The following STRIT1 variants were observed in gnomAD, a reference collection of about 807,000 sequenced individuals.
The protein encoded by STRIT1 is small transmembrane regulator of ion transport 1, also known as sarcoplasmic/endoplasmic reticulum calcium ATPase regulator DWORF.
Position 155,290,684 on chromosome 3 carries a change from A to G in STRIT1, c.*167T>C. On this transcript the variant is annotated 3_prime_UTR_variant, in exon 3 of 3. Transcript: ENST00000489090. ...TAGAGAAATTCACTCATAATTTCTT[A>G]TTGTCCTGAAGAAATTCTTATGCAT... 1 of 283,754 alleles carries G rather than the reference A, an allele frequency of 3.5e-6. No individual in the cohort carries two copies. Among genetic ancestry groups the G allele is most frequent in the Non-Finnish European group, 6.5e-6 (1 of 154,398 alleles). 17.6% of individuals were successfully genotyped at this position (283,754 alleles called of 1,614,324 possible).
chr3:155,293,043 A>T (rs577078136), intron 1 of STRIT1, among the ~76,000 whole-genome samples: 1 of 152,192 alleles, frequency 6.6e-6, no homozygotes, highest in African/African-American at 2.4e-5. Context: ...CCTGTTTAAT[A>T]TTTAAAAACC....
chr3:155,293,054 A>G (rs1490294065), intron 1 of STRIT1, among the ~76,000 whole-genome samples: 4 of 152,180 alleles, frequency 2.6e-5, no homozygotes, highest in Non-Finnish European at 5.9e-5. Flanking sequence ...TTTAAAAACC[A>G]TTTCTTAGAT....
At chr3:155,293,034 C>T (rs1715674054) in intron 1 of STRIT1, among the ~76,000 whole-genome samples, 2 of 152,052 alleles carry the variant, frequency 1.3e-5, no homozygotes, top group Admixed American at 1.3e-4. Flanking sequence ...GCAAAAATTC[C>T]TGTTTAATAT....
At chr3:155,292,696 G>A (rs772511083) in intron 1 of STRIT1, among the ~76,000 whole-genome samples, 114 of 152,190 alleles carry the variant, frequency 7.5e-4, no homozygotes, top group African/African-American at 2.4e-3. Flanking sequence ...GGAATTGTTT[G>A]GAAGTAGAAA....
intron 1 of STRIT1, among the ~76,000 whole-genome samples, chr3:155,291,467 A>G (rs1715636234): frequency 6.6e-6 from 1 of 152,202 alleles, no homozygotes; most frequent in Non-Finnish European, 1.5e-5. Context: ...TATATAAAAA[A>G]CAATCTAATA....
At chr3:155,291,533 G>C (rs962551714) in intron 1 of STRIT1, among the ~76,000 whole-genome samples, 1 of 152,122 alleles carries the variant, frequency 6.6e-6, no homozygotes, top group Non-Finnish European at 1.5e-5. Context: ...GAAAGGTATT[G>C]AGAACTGTCC....
chr3:155,290,906 C>G (rs909798416), intron 2 of STRIT1, 34 bp downstream of exon 2: 2 of 398,250 alleles, frequency 5.0e-6, no homozygotes, highest in Non-Finnish European at 4.4e-6. Context: ...GTAATTTAGA[C>G]TATAAATAAA....
In STRIT1 at chr3:155,290,393, CTTTTTTTTTTTTTTTTTT is replaced by C. The variant is rs5853720; in HGVS notation, c.*440_*457del. 1 of 59,590 alleles carries C rather than the reference CTTTTTTTTTTTTTTTTTT, an allele frequency of 1.7e-5. No individual in the cohort carries two copies. Among genetic ancestry groups the C allele is most frequent in the African/African-American group, 6.6e-5 (1 of 15,074 alleles). The allele number at this position is 59,590 out of a possible 1,614,324, so 3.7% of individuals were successfully genotyped here. A position where few individuals can be genotyped will look rare whatever the true frequency, so the allele number is the denominator to read the frequency against. On this transcript the variant is annotated 3_prime_UTR_variant, in exon 3 of 3. Coordinates refer to ENST00000489090, the MANE Select transcript of STRIT1 (RefSeq NM_001352129.2). The stretch of plus-strand genomic sequence containing the variant: ...TTTTTATCTCTAGCCCATTTTCTTT[CTTTTTTTTTTTTTTTTTT>C]TTTTTTTTTGTAGAGATGGGGTCTC...
Position 155,290,329 on chromosome 3 carries a change from T to C in STRIT1, c.*522A>G, listed in dbSNP as rs528053378. Reference sequence around the variant, plus strand: ...CTCTTTTTGTGAACAAGAGATTAAGTAAGTGTACTTTTACATTATATGTTC... The same window carrying C: ...CTCTTTTTGTGAACAAGAGATTAAGCAAGTGTACTTTTACATTATATGTTC... On this transcript the variant is annotated 3_prime_UTR_variant, in exon 3 of 3. Transcript: ENST00000489090. 6.6e-6 allele frequency: 1 copy of C among 151,682 alleles called. No homozygotes were observed. Among genetic ancestry groups the C allele is most frequent in the Non-Finnish European group, 1.5e-5 (1 of 67,946 alleles). The allele number at this position is 151,682 out of a possible 1,614,324, so 9.4% of individuals were successfully genotyped here.
At chr3:155,293,440 T>C (rs1715684642) in intron 1 of STRIT1, among the ~76,000 whole-genome samples, 180 bp downstream of exon 1, 1 of 152,160 alleles carries the variant, frequency 6.6e-6, no homozygotes, top group Non-Finnish European at 1.5e-5. Flanking sequence ...ATAGACCTGA[T>C]CCATAGATTA....
At chr3:155,292,101 G>A (rs770169182) in intron 1 of STRIT1, among the ~76,000 whole-genome samples, 3 of 152,120 alleles carry the variant, frequency 2.0e-5, no homozygotes, top group Non-Finnish European at 2.9e-5. Flanking sequence ...ATCAGGAGAT[G>A]AGACACATTT....
chr3:155,291,346 A>G (rs2291357), intron 1 of STRIT1: 126,216 of 214,160 alleles, frequency 0.59, 37,177 homozygotes, highest in South Asian at 0.66. Context: ...AGTTTTGAAC[A>G]TCAAATGACA....
At chr3:155,292,585 T>G (rs1250209349) in intron 1 of STRIT1, among the ~76,000 whole-genome samples, 2 of 152,188 alleles carry the variant, frequency 1.3e-5, no homozygotes, top group African/African-American at 4.8e-5. Context: ...TTACTTTCCT[T>G]GTAAAATAGT....
intron 1 of STRIT1, among the ~76,000 whole-genome samples, chr3:155,291,540 G>A (rs199655992): frequency 6.6e-6 from 1 of 152,146 alleles, no homozygotes; most frequent in East Asian, 1.9e-4. Context: ...ATTGAGAACT[G>A]TCCTTGGCCT....
chr3:155,291,392 C>T (rs1006985023), intron 1 of STRIT1: 8 of 166,422 alleles, frequency 4.8e-5, no homozygotes, highest in East Asian at 1.6e-4. Context: ...CTCTAACCAC[C>T]GTGTGTGTTT....
intron 2 of STRIT1, 34 bp downstream of exon 2, chr3:155,290,906 C>T (rs909798416): frequency 2.5e-6 from 1 of 398,250 alleles, no homozygotes; most frequent in East Asian, 3.6e-5. Context: ...GTAATTTAGA[C>T]TATAAATAAA....
chr3:155,292,636 C>T (rs759947988), intron 1 of STRIT1, among the ~76,000 whole-genome samples: 3 of 152,142 alleles, frequency 2.0e-5, no homozygotes, highest in Admixed American at 6.5e-5. Flanking sequence ...CCAAAGTATA[C>T]ATTCCATTGT....
In STRIT1 at chr3:155,293,614, T is replaced by A. The variant is rs540902510; in HGVS notation, c.13+6A>T. 21 of 395,024 alleles carry A rather than the reference T, an allele frequency of 5.3e-5. No homozygotes were observed. In the South Asian group the frequency reaches 2.1e-3, roughly 39 times the overall value. The allele number at this position is 395,024 out of a possible 1,614,324, so 24.5% of individuals were successfully genotyped here. On this transcript the variant is annotated splice_donor_region_variant and intron_variant, in intron 1 of 2. Transcript: ENST00000489090. ...TGCCAAGAGAATCCTATGCCTTAAA[T>A]CTTACCTTTTTCAGCCATTATTCCT...
Position 155,290,393 on chromosome 3 carries a change from C to CTTTTTTTTTTTTTTTTT in STRIT1, c.*441_*457dup, listed in dbSNP as rs5853720. The CTTTTTTTTTTTTTTTTT allele has an allele frequency of 3.4e-5, 2 of 59,590 alleles. No homozygotes were observed. The highest frequency in any genetic ancestry group is 6.0e-5 in the Non-Finnish European group (2 of 33,480). The allele number at this position is 59,590 out of a possible 1,614,324, so 3.7% of individuals were successfully genotyped here. A position where few individuals can be genotyped will look rare whatever the true frequency, so the allele number is the denominator to read the frequency against. On this transcript the variant is annotated 3_prime_UTR_variant, in exon 3 of 3. Coordinates refer to ENST00000489090, the MANE Select transcript of STRIT1 (RefSeq NM_001352129.2). ...TTTTTATCTCTAGCCCATTTTCTTT[C>CTTTTTTTTTTTTTTTTT]TTTTTTTTTTTTTTTTTTTTTTTTT...
Sources: gnomAD v4.1 joint callset for allele counts (sites outside exome capture counted in the v4.1 genomes callset) on GRCh38, gnomAD v4.1.1 for gene constraint, MANE v1.5 for transcripts, NCBI Gene and HGNC (gene_info 2026-07-23, HGNC 2026-07-21) for gene names.